The following PLAAT3 variants were observed in gnomAD, a reference collection of about 807,000 sequenced individuals.
PLAAT3 encodes Ca-independent phospholipase A1/2.
In PLAAT3, 21 loss-of-function variants were observed where a neutral mutation model predicts 16.7. The ratio of observed to expected loss-of-function variants is 1.26; its 90% CI spans 0.89 to 1.81. PLAAT3 has a LOEUF of 1.81. PLAAT3 is among the 40% of genes most tolerant of loss of function. The pLI is 0.00. For synonymous variants in PLAAT3, 76 were observed against 81.7 expected (o/e 0.93, Z 0.38); for missense variants, 219 against 213.7 (o/e 1.02, Z -0.16).
Position 63,590,096 on chromosome 11 carries a change from G to C in PLAAT3, c.387+4C>G, listed in dbSNP as rs188569322. 6.2e-7 allele frequency: 1 copy of C among 1,611,322 alleles called. No homozygotes were observed. Among genetic ancestry groups the C allele is most frequent in the Non-Finnish European group, 8.5e-7 (1 of 1,178,162 alleles). On this transcript the variant is annotated splice_donor_region_variant and intron_variant, in intron 4 of 4. Coordinates refer to ENST00000415826, the MANE Select transcript of PLAAT3 (RefSeq NM_001128203.2). ...GGGGAAGGCGACACAGGCAGAGGAC[G>C]CACCTGGTCACTGCGGGCGACTCCA...
chr11:63,611,656 T>C (rs1246662111), intron 2 of PLAAT3, among the ~76,000 whole-genome samples: 1 of 152,226 alleles, frequency 6.6e-6, no homozygotes, highest in Non-Finnish European at 1.5e-5. Context: ...TGCATTTTCC[T>C]GTGTTTAAAC....
At chr11:63,612,175 TTTG>T (rs1394405325) in intron 2 of PLAAT3, among the ~76,000 whole-genome samples, 3 of 152,048 alleles carry the variant, frequency 2.0e-5, no homozygotes, top group Non-Finnish European at 4.4e-5. Flanking sequence ...TGGTGAAGAT[TTTG>T]TTGTTGTTTT....
At chr11:63,613,543 C>T (rs1358016197) in intron 2 of PLAAT3, among the ~76,000 whole-genome samples, 1 of 152,298 alleles carries the variant, frequency 6.6e-6, no homozygotes, top group African/African-American at 2.4e-5. Context: ...AAATCCCATC[C>T]TCTGAATCCC....
intron 2 of PLAAT3, among the ~76,000 whole-genome samples, chr11:63,605,768 G>C (rs969982068): frequency 6.6e-6 from 1 of 152,018 alleles, no homozygotes; most frequent in African/African-American, 2.4e-5. Flanking sequence ...TAGCCAGGAT[G>C]GTCTCGATCT....
At chr11:63,610,648 A>C (rs575590222) in intron 2 of PLAAT3, among the ~76,000 whole-genome samples, 2 of 152,282 alleles carry the variant, frequency 1.3e-5, no homozygotes, top group African/African-American at 4.8e-5. Flanking sequence ...TTCCACACAG[A>C]TCCATCAGAA....
At chr11:63,589,977 T>G in intron 4 of PLAAT3, 123 bp downstream of exon 4, 2 of 714,236 alleles carry the variant, frequency 2.8e-6, no homozygotes, top group Non-Finnish European at 4.3e-6. Context: ...TGTGACATCC[T>G]CAAGGGCAGT....
At chr11:63,585,377 A>G (rs1937944304) in intron 4 of PLAAT3, among the ~76,000 whole-genome samples, 1 of 152,032 alleles carries the variant, frequency 6.6e-6, no homozygotes, top group Non-Finnish European at 1.5e-5. Flanking sequence ...TTACTCACCT[A>G]AGTCACTAGT....
chr11:63,603,749 CACACA>C (rs1446384584), intron 2 of PLAAT3, among the ~76,000 whole-genome samples: 504 of 38,856 alleles, frequency 0.013, 1 homozygote, highest in African/African-American at 0.046. Flanking sequence ...CACACACACA[CACACA>C]GACAGAGATA....
intron 4 of PLAAT3, among the ~76,000 whole-genome samples, chr11:63,579,630 C>A (rs930954186): frequency 1.3e-5 from 2 of 148,812 alleles, no homozygotes; most frequent in African/African-American, 5.0e-5. Context: ...AGGACAAAAA[C>A]CAAACATCGC....
At chr11:63,604,878 C>G (rs753193258) in intron 2 of PLAAT3, among the ~76,000 whole-genome samples, 1 of 152,166 alleles carries the variant, frequency 6.6e-6, no homozygotes, top group Non-Finnish European at 1.5e-5. Flanking sequence ...CAATCACTAT[C>G]ATGTAAAAAT....
At chr11:63,595,363 G>A (rs576428410) in intron 3 of PLAAT3, among the ~76,000 whole-genome samples, 2 of 151,498 alleles carry the variant, frequency 1.3e-5, no homozygotes, top group South Asian at 4.2e-4. Context: ...CAATGAGTCT[G>A]ATGTCAGAAA....
chr11:63,595,975 C>T (rs1264329954), intron 3 of PLAAT3, among the ~76,000 whole-genome samples: 1 of 151,980 alleles, frequency 6.6e-6, no homozygotes, highest in Non-Finnish European at 1.5e-5. Context: ...GGCACAGTGG[C>T]TCACGCCTGT....
At chr11:63,592,643 G>C (rs965319529) in intron 3 of PLAAT3, among the ~76,000 whole-genome samples, 3 of 152,174 alleles carry the variant, frequency 2.0e-5, no homozygotes, top group Non-Finnish European at 4.4e-5. Flanking sequence ...AGACTGCCTG[G>C]GTTTGGGTCC....
chr11:63,588,998 AGAG>A (rs1473628335), intron 4 of PLAAT3, among the ~76,000 whole-genome samples: 25 of 149,874 alleles, frequency 1.7e-4, no homozygotes, highest in African/African-American at 5.7e-4. Flanking sequence ...AAAAAAAAAA[AGAG>A]GAGGATAATT....
At chr11:63,612,029 T>C (rs142786868) in intron 2 of PLAAT3, among the ~76,000 whole-genome samples, 1,538 of 152,302 alleles carry the variant, frequency 0.01, 16 homozygotes, top group Middle Eastern at 0.095. Flanking sequence ...TCCCAGCTAC[T>C]TGGGAGGCTG....
chr11:63,602,069 CG>C (rs996007926), intron 2 of PLAAT3, among the ~76,000 whole-genome samples: 1 of 150,816 alleles, frequency 6.6e-6, no homozygotes, highest in African/African-American at 2.4e-5. Context: ...AGGCAGATCA[CG>C]TGAAGTCAGA....
chr11:63,613,160 C>T (rs1938734904), intron 2 of PLAAT3, among the ~76,000 whole-genome samples: 1 of 152,062 alleles, frequency 6.6e-6, no homozygotes, highest in African/African-American at 2.4e-5. Flanking sequence ...GCCTGTAATC[C>T]CAGCACTTTG....
intron 2 of PLAAT3, among the ~76,000 whole-genome samples, chr11:63,606,425 AACACACACACACAC>A (rs34044017): frequency 2.1e-5 from 3 of 140,128 alleles, no homozygotes; most frequent in Admixed American, 7.1e-5. Context: ...TCTACTATAA[AACACACACACACAC>A]ACACACACAC....
chr11:63,614,329 C>A (rs1339267872), intron 1 of PLAAT3, 56 bp downstream of exon 1: 2 of 427,544 alleles, frequency 4.7e-6, no homozygotes, highest in Non-Finnish European at 8.4e-6. Context: ...GGAGAAGCAT[C>A]CCAGGCACCT....
Sources: gnomAD v4.1 joint callset for allele counts (sites outside exome capture counted in the v4.1 genomes callset) on GRCh38, gnomAD v4.1.1 for gene constraint, MANE v1.5 for transcripts, NCBI Gene and HGNC (gene_info 2026-07-23, HGNC 2026-07-21) for gene names.